Variants in ASAP3 observed in about 807,000 individuals in gnomAD.
ASAP3 encodes the protein arf-GAP with SH3 domain, ANK repeat and PH domain-containing protein 3.
In ASAP3, 85 loss-of-function variants were observed where a neutral mutation model predicts 118.2. The observed-to-expected ratio is 0.72, with a 90% CI of 0.60 to 0.86. ASAP3 has a LOEUF of 0.86. Among genes scored for constraint, ASAP3 ranks in the 40% least tolerant of loss-of-function variants. ASAP3 has a pLI of 0.00. For synonymous variants in ASAP3, 432 were observed against 477.4 expected (o/e 0.90, Z 1.24); for missense variants, 1,026 against 1,175.0 (o/e 0.87, Z 1.85).
chr1:23,478,772 A>T (rs1209351475), intron 1 of ASAP3, among the ~76,000 whole-genome samples: 2 of 152,162 alleles, frequency 1.3e-5, no homozygotes, highest in Admixed American at 6.6e-5. Flanking sequence ...AAAAAAAATA[A>T]AAAATAAAAA....
At chr1:23,447,174 A>AT (rs1170161930) in intron 5 of ASAP3, among the ~76,000 whole-genome samples, 1 of 152,160 alleles carries the variant, frequency 6.6e-6, no homozygotes, top group African/African-American at 2.4e-5. Flanking sequence ...GTACCAGTCC[A>AT]TGGCCCAGGG....
At chr1:23,457,812 C>T (rs946871119) in intron 1 of ASAP3, among the ~76,000 whole-genome samples, 1 of 152,186 alleles carries the variant, frequency 6.6e-6, no homozygotes, top group African/African-American at 2.4e-5. Context: ...CGTGCCCGGG[C>T]ACAAGTTGCC....
intron 5 of ASAP3, among the ~76,000 whole-genome samples, chr1:23,444,370 T>C (rs1421085929): frequency 6.6e-6 from 1 of 152,116 alleles, no homozygotes; most frequent in Non-Finnish European, 1.5e-5. Flanking sequence ...TCAGGCTGGG[T>C]GCATGTGACT....
chr1:23,458,400 A>C (rs1275030266), intron 1 of ASAP3, among the ~76,000 whole-genome samples: 1 of 152,134 alleles, frequency 6.6e-6, no homozygotes, highest in East Asian at 1.9e-4. Context: ...AAGCAGGAGG[A>C]TCACTTGAGC....
At chr1:23,467,748 A>G (rs987663251) in intron 1 of ASAP3, among the ~76,000 whole-genome samples, 2 of 151,748 alleles carry the variant, frequency 1.3e-5, no homozygotes, top group African/African-American at 2.4e-5. Flanking sequence ...TCAGGAGTTC[A>G]AGACCACCCT....
chr1:23,436,734 A>C lies in ASAP3; in HGVS notation c.1477-80T>G, dbSNP rs998122131. ...GCATAGGGTGGAGCTCCAAGCCCCC[A>C]GAGTCCCGCCCCTCGGCCGCCCTCC... On this transcript the variant is annotated intron_variant, in intron 15 of 24. Transcript: ENST00000336689. The surrounding 1 kb of genome is among the most constrained non-coding windows in gnomAD (Gnocchi z 4.2). 52 of 1,586,368 alleles carry C rather than the reference A, an allele frequency of 3.3e-5. No homozygotes were observed. The highest frequency in any genetic ancestry group is 3.9e-5 in the Non-Finnish European group (45 of 1,159,006).
At chr1:23,477,446 C>T (rs2148663913) in intron 1 of ASAP3, among the ~76,000 whole-genome samples, 1 of 150,544 alleles carries the variant, frequency 6.6e-6, no homozygotes, top group South Asian at 2.1e-4. Flanking sequence ...TGAGAGGTCG[C>T]ACCACTCATT....
chr1:23,450,172 C>T (rs958474980), intron 5 of ASAP3, among the ~76,000 whole-genome samples: 9 of 152,190 alleles, frequency 5.9e-5, no homozygotes, highest in East Asian at 1.9e-4. Flanking sequence ...AGACTTGGAG[C>T]GGTGCCATGG....
rs568297190 is a variant in ASAP3 at position 23,477,779 on chromosome 1, T to C, written c.129+6226A>G. On this transcript the variant is annotated intron_variant, in intron 1 of 24. Transcript: ENST00000336689. ...CCTAGGCTAGCATGCAGTGGCACCA[T>C]CGGAGTTCACTGCAGCCTCAATCTC... Among the ~76,000 whole-genome samples the C allele has an allele frequency of 3.3e-5, 5 of 152,308 alleles. No homozygotes were observed. In the South Asian group the frequency reaches 1.0e-3, roughly 32 times the overall value.
Position 23,431,708 on chromosome 1 carries a change from G to T in ASAP3, c.2534C>A (p.Pro845His), listed in dbSNP as rs1293663910. 1.3e-6 allele frequency: 2 copies of T among 1,523,864 alleles called. No homozygotes were observed. Among genetic ancestry groups the T allele is most frequent in the East Asian group, 4.6e-5 (2 of 43,344 alleles). The allele number at this position is 1,523,864 out of a possible 1,614,324, so 94.4% of individuals were successfully genotyped here. A position where few individuals can be genotyped will look rare whatever the true frequency, so the allele number is the denominator to read the frequency against. The change falls in exon 23 of 25, where the codon CCC becomes CAC. Residue 845 changes from proline (P) to histidine (H), a missense_variant. Pro to His is a moderately conservative substitution (Grantham distance 77, BLOSUM62 -2). Coordinates refer to ENST00000336689, the MANE Select transcript of ASAP3 (RefSeq NM_017707.4). ...GGCCCTCACCAACCTGAATCTGACG[G>T]GGAGGTACATCTCCGAAGGGGTGGT... ...SGTTPSEMYL[P>H]VRFSSESTRS... is the part of the protein sequence containing the mutation.
At chr1:23,480,205 A>C (rs1391471633) in intron 1 of ASAP3, 11 of 152,130 alleles carry the variant, frequency 7.2e-5, no homozygotes, top group Non-Finnish European at 1.5e-4. Flanking sequence ...TCCAATTAAA[A>C]CTTTCTTTTA....
intron 5 of ASAP3, among the ~76,000 whole-genome samples, chr1:23,447,094 G>C (rs1053973357): frequency 6.6e-6 from 1 of 152,156 alleles, no homozygotes; most frequent in African/African-American, 2.4e-5. Context: ...GAACTCAGGC[G>C]GTAATCTCGC....
chr1:23,459,570 T>C (rs749591641), intron 1 of ASAP3, among the ~76,000 whole-genome samples: 7 of 152,232 alleles, frequency 4.6e-5, no homozygotes, highest in Non-Finnish European at 1.0e-4. Context: ...GCTAGTTGAC[T>C]GACTGAAATG....
At chr1:23,451,855 G>A (rs1447413004) in intron 4 of ASAP3, among the ~76,000 whole-genome samples, 3 of 152,222 alleles carry the variant, frequency 2.0e-5, no homozygotes, top group African/African-American at 7.2e-5. Flanking sequence ...GCTCAGAAGA[G>A]AGATCAGTCA....
At chr1:23,481,917 T>C (rs1407126220) in intron 1 of ASAP3, among the ~76,000 whole-genome samples, 2 of 152,196 alleles carry the variant, frequency 1.3e-5, no homozygotes, top group South Asian at 2.1e-4. Context: ...TCATGAAATG[T>C]GAGGCTATGA....
chr1:23,459,057 C>G (rs1641482959), intron 1 of ASAP3, among the ~76,000 whole-genome samples: 1 of 150,382 alleles, frequency 6.6e-6, no homozygotes, highest in Non-Finnish European at 1.5e-5. Flanking sequence ...GTAATCCCAG[C>G]TACTCAGGAG....
At chr1:23,474,450 C>G (rs1437691447) in intron 1 of ASAP3, among the ~76,000 whole-genome samples, 1 of 152,154 alleles carries the variant, frequency 6.6e-6, no homozygotes, top group African/African-American at 2.4e-5. Flanking sequence ...CACTGACAGC[C>G]CGTTCTTGGT....
chr1:23,484,280 C>A (rs1233050711), upstream of ASAP3: 4 of 780,024 alleles, frequency 5.1e-6, no homozygotes, highest in Middle Eastern at 4.7e-4. Flanking sequence ...ACCCTCCAGC[C>A]GCTCTCCGCT....
chr1:23,482,262 C>G (rs1642329377), intron 1 of ASAP3, among the ~76,000 whole-genome samples: 1 of 152,238 alleles, frequency 6.6e-6, no homozygotes, highest in South Asian at 2.1e-4. Flanking sequence ...CGGCTCACAC[C>G]TATAATCCTA....
Sources: allele counts gnomAD v4.1 joint callset (sites outside exome capture counted in the v4.1 genomes callset), GRCh38; gene constraint gnomAD v4.1.1; non-coding constraint Gnocchi (gnomAD v3.1); transcripts MANE v1.5; gene names NCBI Gene and HGNC (gene_info 2026-07-23, HGNC 2026-07-21).